Variants in MICAL2 observed in about 807,000 individuals in gnomAD.
MICAL2 encodes the protein [F-actin]-monooxygenase MICAL2.
A neutral mutation model predicts 127.3 loss-of-function variants in MICAL2; 77 were observed. The ratio of observed to expected loss-of-function variants is 0.60; its 90% CI spans 0.50 to 0.73. MICAL2 has a LOEUF of 0.73. Among genes scored for constraint, MICAL2 ranks in the 30% least tolerant of loss-of-function variants. The probability of loss-of-function intolerance (pLI) is 0.00; values close to 1 mark genes in which losing one functional copy is unlikely to be tolerated. For missense variants in MICAL2, 1,351 were observed against 1,434.4 expected, an observed-to-expected ratio of 0.94 and a Z score of 0.94; for synonymous variants, 570 against 551.1, an observed-to-expected ratio of 1.03 and a Z score of -0.48.
chr11:12,128,164 T>A (rs1851103555), intron 1 of MICAL2, among the ~76,000 whole-genome samples: 1 of 152,188 alleles, frequency 6.6e-6, no homozygotes, highest in South Asian at 2.1e-4. Context: ...ATCATCCATG[T>A]TGTGGGTGTA....
At chr11:12,339,534 A>G (rs1343411847) in intron 32 of MICAL2, among the ~76,000 whole-genome samples, 1 of 151,844 alleles carries the variant, frequency 6.6e-6, no homozygotes, top group Non-Finnish European at 1.5e-5. Context: ...TGATTTTTAG[A>G]GTTTCCAGTT....
chr11:12,207,846 G>A, intron 4 of MICAL2, 177 bp from the exon 5 acceptor site: 1 of 598,130 alleles, frequency 1.7e-6, no homozygotes, highest in Non-Finnish European at 3.0e-6. Flanking sequence ...AAGGGCCACT[G>A]TAAGAGTTAG....
intron 1 of MICAL2, among the ~76,000 whole-genome samples, chr11:12,132,706 T>C (rs1303764696): frequency 6.6e-6 from 1 of 152,340 alleles, no homozygotes; most frequent in Non-Finnish European, 1.5e-5. Context: ...TTCCCACAGA[T>C]AGAGCCAAGT....
At chr11:12,262,259 G>A in intron 26 of MICAL2, 1 of 1,413,242 alleles carries the variant, frequency 7.1e-7, no homozygotes, top group African/African-American at 1.4e-5. Context: ...GATGCAAACT[G>A]TGTGCATCCA....
At chr11:12,327,115 C>A in intron 31 of MICAL2, 2 of 1,448,722 alleles carry the variant, frequency 1.4e-6, no homozygotes, top group Non-Finnish European at 1.9e-6. Context: ...GCAGAATCAG[C>A]CCCTCTTGGG....
chr11:12,241,312 AAT>A, intron 18 of MICAL2, 150 bp downstream of exon 18: 1 of 1,006,984 alleles, frequency 9.9e-7, no homozygotes, highest in Non-Finnish European at 1.4e-6. Flanking sequence ...TATAGGTAAG[AAT>A]AACCAAGTAT....
intron 1 of MICAL2, among the ~76,000 whole-genome samples, chr11:12,134,813 G>A (rs181435354): frequency 9.4e-5 from 14 of 148,430 alleles, no homozygotes; most frequent in Non-Finnish European, 1.6e-4. Context: ...AATATAGCAA[G>A]AGCTTGTCTC....
chr11:12,279,731 T>C (rs1863752901), intron 1 of MICAL2, among the ~76,000 whole-genome samples: 1 of 152,196 alleles, frequency 6.6e-6, no homozygotes, highest in Non-Finnish European at 1.5e-5. Flanking sequence ...TCTCCACACA[T>C]GGAACTCGGC....
At position 12,242,346 on chromosome 11, in the gene MICAL2, G is replaced by C. The variant is rs375354039; in HGVS notation, c.2470G>C (p.Ala824Pro). Residue 824 changes from alanine to proline, a missense_variant, in exon 19 of 28, where the codon GCT becomes CCT. Ala to Pro is a conservative substitution (Grantham distance 27, BLOSUM62 -1). Transcript: ENST00000683283. ...ACAGCTGGGTGGGACAGAAAATTTCGCTACCCTGCCTTCTACCCGCCCGAG... is the reference window on the plus strand; with the variant it reads ...ACAGCTGGGTGGGACAGAAAATTTCCCTACCCTGCCTTCTACCCGCCCGAG... Reference protein sequence around the residue: ...DLQLGGTENFATLPSTRPRAQ... With the variant: ...DLQLGGTENFPTLPSTRPRAQ... 1.9e-6 allele frequency: 3 copies of C among 1,614,004 alleles called. No individual in the cohort carries two copies. Among genetic ancestry groups the C allele is most frequent in the African/African-American group, 1.3e-5 (1 of 74,926 alleles).
chr11:12,209,474 A>T (rs1855163624), intron 5 of MICAL2, 23 bp from the exon 6 acceptor site: 3 of 1,576,758 alleles, frequency 1.9e-6, no homozygotes, highest in Non-Finnish European at 8.7e-7. Context: ...CTGCCAACTC[A>T]TCTCATTTCT....
intron 1 of MICAL2, chr11:12,276,775 G>A (rs187585057): frequency 7.2e-5 from 11 of 152,260 alleles, no homozygotes; most frequent in African/African-American, 2.2e-4. Context: ...AAATAGCAGC[G>A]GCCAACACAA....
chr11:12,279,705 A>G (rs985284098), intron 1 of MICAL2, among the ~76,000 whole-genome samples: 3 of 152,190 alleles, frequency 2.0e-5, no homozygotes, highest in African/African-American at 7.2e-5. Context: ...TTTTACAGCC[A>G]TTGGCAGAGA....
downstream of MICAL2, among the ~76,000 whole-genome samples, chr11:12,268,717 G>A (rs928319732): frequency 6.6e-6 from 1 of 152,202 alleles, no homozygotes; most frequent in Admixed American, 6.5e-5. Context: ...TCGGCCGGGC[G>A]CGGTCGCTCA....
At chr11:12,342,934 A>ATT (rs199922496) in intron 32 of MICAL2, among the ~76,000 whole-genome samples, 1 of 151,566 alleles carries the variant, frequency 6.6e-6, no homozygotes, top group African/African-American at 2.4e-5. Flanking sequence ...GGGGGCAGGG[A>ATT]GCTGATGGAA....
At chr11:12,214,293 C>G (rs1729098075) in intron 7 of MICAL2, among the ~76,000 whole-genome samples, 1 of 152,212 alleles carries the variant, frequency 6.6e-6, no homozygotes, top group Admixed American at 6.5e-5. Flanking sequence ...TAAATAAAAT[C>G]TGTATATGGA....
downstream of MICAL2, among the ~76,000 whole-genome samples, chr11:12,360,870 A>G (rs1033773349): frequency 6.6e-6 from 1 of 152,236 alleles, no homozygotes; most frequent in Non-Finnish European, 1.5e-5. Context: ...CTGTTTCACT[A>G]GTACATAAAA....
intron 29 of MICAL2, among the ~76,000 whole-genome samples, chr11:12,312,146 A>G (rs1451005603): frequency 6.6e-6 from 1 of 151,678 alleles, no homozygotes; most frequent in Non-Finnish European, 1.5e-5. Context: ...TTTTTTGCTT[A>G]ATCATTCTTA....
intron 32 of MICAL2, among the ~76,000 whole-genome samples, chr11:12,341,975 G>A (rs185624519): frequency 3.2e-4 from 49 of 152,324 alleles, no homozygotes; most frequent in Admixed American, 8.5e-4. Flanking sequence ...GCAAAACTGA[G>A]TCAATATAAA....
chr11:12,331,631 G>T (rs1864429619), intron 32 of MICAL2, among the ~76,000 whole-genome samples: 1 of 152,164 alleles, frequency 6.6e-6, no homozygotes, highest in South Asian at 2.1e-4. Context: ...CCTGGACAGA[G>T]CACAGGCATT....
Sources: gnomAD v4.1 joint callset for allele counts (sites outside exome capture counted in the v4.1 genomes callset) on GRCh38, gnomAD v4.1.1 for gene constraint, MANE v1.5 for transcripts, NCBI Gene and HGNC (gene_info 2026-07-23, HGNC 2026-07-21) for gene names.